The following TIAM2 variants were observed in gnomAD, a reference collection of about 807,000 sequenced individuals.
TIAM2 encodes the protein rho guanine nucleotide exchange factor TIAM2.
A neutral mutation model predicts 152.9 loss-of-function variants in TIAM2; 80 were observed. The ratio of observed to expected loss-of-function variants is 0.52; its 90% CI spans 0.44 to 0.63. The LOEUF (loss-of-function observed/expected upper bound fraction) is 0.63. Among genes scored for constraint, TIAM2 ranks in the 30% least tolerant of loss-of-function variants. The pLI is 0.00. For missense variants in TIAM2, 1,965 were observed against 2,120.1 expected (o/e 0.93, Z 1.44); for synonymous variants, 804 against 838.0 (o/e 0.96, Z 0.70).
intron 2 of TIAM2, among the ~76,000 whole-genome samples, chr6:155,094,099 A>T (rs1470071766): frequency 6.6e-6 from 1 of 152,220 alleles, no homozygotes; most frequent in African/African-American, 2.4e-5. Flanking sequence ...TTAAAAACTA[A>T]GAATTTTACA....
At chr6:155,161,270 T>C (rs1445416368) in intron 7 of TIAM2, among the ~76,000 whole-genome samples, 3 of 152,186 alleles carry the variant, frequency 2.0e-5, no homozygotes, top group Non-Finnish European at 4.4e-5. Context: ...CACTGCAACC[T>C]CTGCTTCCTG....
chr6:155,137,592 A>ATTTCAAAT lies in TIAM2; in HGVS notation c.1610_1611insTTTCAAAT (p.Gln537HisfsTer7), dbSNP rs1779586238. 14 of 1,598,844 alleles carry ATTTCAAAT rather than the reference A, an allele frequency of 8.8e-6. No homozygotes were observed. Among genetic ancestry groups the ATTTCAAAT allele is most frequent in the Non-Finnish European group, 1.2e-5 (14 of 1,176,540 alleles). ...CTGGTGGCACGAAGGAAATGGAAAC[A>ATTTCAAAT]GTACTGGGTAACGCTGAAAGGTGAG... On this transcript the variant is annotated frameshift_variant, in exon 5 of 27. Coordinates refer to ENST00000682666, the MANE Select transcript of TIAM2 (RefSeq NM_012454.4). LOFTEE classifies it high-confidence loss of function.
chr6:155,145,685 G>A lies in TIAM2; in HGVS notation c.1803+907G>A, dbSNP rs181560104. On this transcript the variant is annotated intron_variant, in intron 6 of 26. Transcript: ENST00000682666. ...GACTGGAAGTTTCATGGAAAGCCTC[G>A]TAAAGCTTGGGTTTAGATCTCTCAT... is the stretch of plus-strand genomic sequence containing the variant. Among the ~76,000 whole-genome samples the A allele has an allele frequency of 2.2e-4, 34 of 152,210 alleles. No homozygotes were observed. In the South Asian group the frequency reaches 4.6e-3, roughly 20 times the overall value.
At chr6:155,099,387 C>T (rs1490704990) in intron 2 of TIAM2, among the ~76,000 whole-genome samples, 1 of 152,116 alleles carries the variant, frequency 6.6e-6, no homozygotes, top group Non-Finnish European at 1.5e-5. Flanking sequence ...TAAAGCAATA[C>T]ATACCATGCT....
At chr6:155,152,349 C>T (rs1779993337) in intron 7 of TIAM2, among the ~76,000 whole-genome samples, 1 of 152,164 alleles carries the variant, frequency 6.6e-6, no homozygotes, top group Non-Finnish European at 1.5e-5. Context: ...CCCCACGAGC[C>T]CAGCTTGCCT....
intron 19 of TIAM2, among the ~76,000 whole-genome samples, chr6:155,246,322 C>T (rs773637833): frequency 1.6e-4 from 25 of 151,970 alleles, no homozygotes; most frequent in Admixed American, 5.2e-4. Flanking sequence ...TAATCCAGAA[C>T]GTCATGATAT....
intron 1 of TIAM2, among the ~76,000 whole-genome samples, chr6:155,079,683 A>T (rs555332303): frequency 2.6e-5 from 4 of 152,350 alleles, no homozygotes; most frequent in Non-Finnish European, 5.9e-5. Flanking sequence ...ACAGTGGCTC[A>T]CGCCTGTAAT....
rs34408857 is a variant in TIAM2 at position 155,188,968 on chromosome 6, C to CT, written c.3064+5475dup. 3.6e-3 allele frequency among the ~76,000 whole-genome samples: 553 copies of CT among 152,218 alleles called. 3 individuals are homozygous for CT. Among genetic ancestry groups the CT allele is most frequent in the Non-Finnish European group, 3.4e-3 (231 of 68,026 alleles). On this transcript the variant is annotated intron_variant, in intron 14 of 26. Transcript: ENST00000682666. ...ATGAAGGTAATTGCAGCCTGAGGTT[C>CT]TTTTTTTAGCCTCCACGCCCCCTTT... is the stretch of plus-strand genomic sequence containing the variant.
chr6:155,249,712 T>C, intron 20 of TIAM2, 139 bp from the exon 21 acceptor site: 6 of 614,368 alleles, frequency 9.8e-6, no homozygotes, highest in Non-Finnish European at 1.6e-5. Flanking sequence ...CTGTTGTGAC[T>C]TATTCTGAAT....
chr6:155,040,302 T>C (rs1777002361), intron 1 of TIAM2, among the ~76,000 whole-genome samples: 1 of 152,204 alleles, frequency 6.6e-6, no homozygotes, highest in African/African-American at 2.4e-5. Context: ...AATTCTTCCA[T>C]GTGGCTCAGG....
intron 7 of TIAM2, among the ~76,000 whole-genome samples, chr6:155,149,920 A>T (rs1459737748): frequency 2.8e-5 from 3 of 105,582 alleles, no homozygotes; most frequent in African/African-American, 6.4e-5. Flanking sequence ...GACTCTGTAT[A>T]AAAAAAAAAA....
intron 1 of TIAM2, among the ~76,000 whole-genome samples, chr6:155,047,691 GAGAGAGAGAGAGA>G (rs1777216110): frequency 7.3e-5 from 1 of 13,606 alleles, no homozygotes; most frequent in African/African-American, 3.8e-4. Context: ...AGAGAGAGGA[GAGAGAGAGAGAGA>G]GCGAGAGAGA....
chr6:155,028,941 A>G (rs1013555947), intron 1 of TIAM2, among the ~76,000 whole-genome samples: 1 of 112,696 alleles, frequency 8.9e-6, no homozygotes, highest in Non-Finnish European at 1.7e-5. Flanking sequence ...TACTATATAT[A>G]CTATGTTATA....
intron 4 of TIAM2, among the ~76,000 whole-genome samples, chr6:155,136,022 G>T (rs1055792229): frequency 6.6e-6 from 1 of 151,192 alleles, no homozygotes; most frequent in East Asian, 2.0e-4. Context: ...TGAAGAAACC[G>T]TGTCTCTACT....
chr6:155,223,886 G>A (rs970627949), intron 15 of TIAM2, among the ~76,000 whole-genome samples: 2 of 152,016 alleles, frequency 1.3e-5, no homozygotes, highest in African/African-American at 2.4e-5. Context: ...CCTTGTTGTC[G>A]TTCGCCCTTT....
intron 20 of TIAM2, 23 bp downstream of exon 20, chr6:155,248,202 G>A (rs576073973): frequency 2.1e-5 from 34 of 1,607,810 alleles, no homozygotes; most frequent in Middle Eastern, 2.0e-4. Flanking sequence ...CGGCACCTCC[G>A]GGCGAGGGCC....
rs919018070 is a variant in TIAM2 at position 155,130,288 on chromosome 6, C to T, written c.1065C>T (p.Ser355=). The change falls in exon 4 of 27, where the codon TCC becomes TCT. Residue 355 remains serine (S), a synonymous_variant. Coordinates refer to ENST00000682666, the MANE Select transcript of TIAM2 (RefSeq NM_012454.4). ...VAHGDPIQYS[S]FTLPCRKPKA... ...ACGGGGACCCCATCCAGTACAGTTC[C>T]TTCACTCTCCCCTGTCGGAAGCCCA... is the stretch of plus-strand genomic sequence containing the variant. The T allele has an allele frequency of 6.2e-7, 1 of 1,614,068 alleles. No homozygotes were observed. The highest frequency in any genetic ancestry group is 8.5e-7 in the Non-Finnish European group (1 of 1,180,046).
intron 1 of TIAM2, among the ~76,000 whole-genome samples, chr6:155,039,251 A>G (rs956895666): frequency 7.9e-5 from 12 of 151,752 alleles, no homozygotes; most frequent in Non-Finnish European, 1.3e-4. Flanking sequence ...GTGAGCCACT[A>G]TGCCTGAACC....
intron 16 of TIAM2, among the ~76,000 whole-genome samples, 165 bp from the exon 17 acceptor site, chr6:155,243,846 C>CAAAAAAAAAAAAAAAAAAAAAAAAA (rs59365890): frequency 1.8e-5 from 1 of 55,024 alleles, no homozygotes; most frequent in African/African-American, 8.1e-5. Context: ...GACTCCGTCT[C>CAAAAAAAAAAAAAAAAAAAAAAAAA]AAAAAAAAAA....
Sources: gnomAD v4.1 joint callset for allele counts (sites outside exome capture counted in the v4.1 genomes callset) on GRCh38, gnomAD v4.1.1 for gene constraint, MANE v1.5 for transcripts, NCBI Gene and HGNC (gene_info 2026-07-23, HGNC 2026-07-21) for gene names.